The following RGL1 variants were observed in gnomAD, a reference collection of about 807,000 sequenced individuals.
The protein encoded by RGL1 is ral guanine nucleotide dissociation stimulator-like 1.
Under a neutral mutation model 95.2 loss-of-function variants are expected in RGL1, and 24 were observed. The observed-to-expected ratio is 0.25, with a 90% CI of 0.18 to 0.35. The LOEUF is 0.35. RGL1 is among the 10% of genes least tolerant of loss of function. RGL1 has a pLI of 1.00. For synonymous variants in RGL1, 329 were observed against 344.9 expected (o/e 0.95, Z 0.51); for missense variants, 715 against 936.3 (o/e 0.76, Z 3.08).
intron 1 of RGL1, among the ~76,000 whole-genome samples, chr1:183,692,957 A>AT (rs566962381): frequency 1.3e-3 from 185 of 145,328 alleles, no homozygotes; most frequent in East Asian, 4.0e-3. Flanking sequence ...GATAAAAAAA[A>AT]TTTTTTTTTT....
intron 2 of RGL1, among the ~76,000 whole-genome samples, chr1:183,757,063 A>G (rs1402922103): frequency 1.4e-5 from 2 of 146,638 alleles, no homozygotes; most frequent in African/African-American, 5.0e-5. Flanking sequence ...GCACGGAGTC[A>G]TCCACTATGC....
At chr1:183,744,036 T>G (rs921275331) in intron 2 of RGL1, among the ~76,000 whole-genome samples, 10 of 152,330 alleles carry the variant, frequency 6.6e-5, no homozygotes, top group African/African-American at 2.4e-4. Flanking sequence ...TATTCTCATA[T>G]TCTGCTCAGG....
intron 2 of RGL1, among the ~76,000 whole-genome samples, chr1:183,745,350 T>TCA (rs10678317): frequency 0.45 from 68,967 of 151,606 alleles, 16,743 homozygotes; most frequent in East Asian, 0.8. Flanking sequence ...GTAAAATTTA[T>TCA]GTCTTCTTTT....
intron 9 of RGL1, among the ~76,000 whole-genome samples, chr1:183,892,365 C>A (rs1667475382): frequency 2.6e-5 from 4 of 152,176 alleles, no homozygotes; most frequent in Admixed American, 2.6e-4. Context: ...TCTCTTTCTA[C>A]CTCCCTTAGC....
rs535834306 is a variant in RGL1, at chr1:183,772,808, G to C, written c.132+30519G>C. On this transcript the variant is annotated intron_variant, in intron 2 of 18. Transcript: ENST00000304685. ...GTGGATCATGAGGTCAGGAGATCGA[G>C]ACCATCCTGGCTAACAAGGTGAAAC... Among the ~76,000 whole-genome samples the C allele has an allele frequency of 4.6e-4, 70 of 151,746 alleles. 1 individual carries two copies. The South Asian group carries it at 0.014, about 31-fold the overall frequency.
At chr1:183,735,118 GA>G (rs1320819780) in intron 1 of RGL1, among the ~76,000 whole-genome samples, 1 of 152,088 alleles carries the variant, frequency 6.6e-6, no homozygotes, top group African/African-American at 2.4e-5. Flanking sequence ...CAGTAAGGGG[GA>G]GAAAGTATGT....
intron 1 of RGL1, among the ~76,000 whole-genome samples, chr1:183,664,897 A>G (rs1335262373): frequency 6.6e-6 from 1 of 152,002 alleles, no homozygotes; most frequent in East Asian, 1.9e-4. Flanking sequence ...TTATTGTGTT[A>G]GCTAGGATTT....
chr1:183,658,537 G>C (rs577375655), intron 1 of RGL1, among the ~76,000 whole-genome samples: 1,860 of 152,206 alleles, frequency 0.012, 44 homozygotes, highest in African/African-American at 0.043. Context: ...GGCTTGCTTA[G>C]GTAAACAAAG....
At chr1:183,828,661 C>G (rs572986287) in intron 2 of RGL1, among the ~76,000 whole-genome samples, 1 of 152,266 alleles carries the variant, frequency 6.6e-6, no homozygotes, top group South Asian at 2.1e-4. Context: ...TTGTGAGTAT[C>G]AAATGAGATT....
At chr1:183,753,229 C>T (rs1658131784) in intron 2 of RGL1, among the ~76,000 whole-genome samples, 1 of 152,166 alleles carries the variant, frequency 6.6e-6, no homozygotes, top group African/African-American at 2.4e-5. Context: ...GTAATTCTCT[C>T]TTCAGCTTTA....
In RGL1 at chr1:183,912,023, C is replaced by T. The variant is rs1281826129; in HGVS notation, c.1563-59C>T. The T allele has an allele frequency of 2.0e-6, 3 of 1,478,716 alleles. No homozygotes were observed. The East Asian group carries it at 6.9e-5, about 34-fold the overall frequency. The allele number at this position is 1,478,716 out of a possible 1,614,324, so 91.6% of individuals were successfully genotyped here. ...GGCTTAATCAACACAAAATATTTGCCTAATCATGGATTCCAGATTTGTAAC... is the reference window on the plus strand; with the variant it reads ...GGCTTAATCAACACAAAATATTTGCTTAATCATGGATTCCAGATTTGTAAC... On this transcript the variant is annotated intron_variant, in intron 14 of 17. Transcript: ENST00000360851.
At chr1:183,888,745 G>T (rs1315732164) in intron 8 of RGL1, among the ~76,000 whole-genome samples, 168 bp downstream of exon 8, 1 of 152,154 alleles carries the variant, frequency 6.6e-6, no homozygotes, top group African/African-American at 2.4e-5. Flanking sequence ...GACTTTTGAG[G>T]CAGGGCTCCT....
intron 17 of RGL1, among the ~76,000 whole-genome samples, chr1:183,922,655 G>T (rs1174394837): frequency 6.6e-6 from 1 of 151,942 alleles, no homozygotes; most frequent in Non-Finnish European, 1.5e-5. Context: ...AGAGGGTAGG[G>T]GAGTCTGTTG....
Position 183,823,122 on chromosome 1 carries a change from A to G in RGL1, c.138+16637A>G, listed in dbSNP as rs1208500772. ...ACATAATCTTCTTAGAATGAACTGT[A>G]TGAAATCACCAGTTTTATAAGTTAA... On this transcript the variant is annotated intron_variant, in intron 2 of 17. Coordinates refer to ENST00000360851, the MANE Select transcript of RGL1 (RefSeq NM_001297671.3). 3.9e-5 allele frequency among the ~76,000 whole-genome samples: 6 copies of G among 152,306 alleles called. No homozygotes were observed. The East Asian group carries it at 1.2e-3, about 29-fold the overall frequency.
intron 1 of RGL1, among the ~76,000 whole-genome samples, chr1:183,655,761 G>T (rs1217805799): frequency 6.6e-6 from 1 of 152,168 alleles, no homozygotes; most frequent in African/African-American, 2.4e-5. Flanking sequence ...CCTCCATGTT[G>T]ATTTTCCTCA....
intron 1 of RGL1, among the ~76,000 whole-genome samples, chr1:183,691,225 C>T (rs1026584413): frequency 1.6e-4 from 25 of 152,158 alleles, no homozygotes; most frequent in African/African-American, 4.1e-4. Flanking sequence ...GCCATAGATG[C>T]GGATTCTTTT....
At chr1:183,776,547 G>A (rs919614461) in intron 2 of RGL1, among the ~76,000 whole-genome samples, 12 of 151,414 alleles carry the variant, frequency 7.9e-5, no homozygotes, top group African/African-American at 2.2e-4. Flanking sequence ...TAGGAGATTC[G>A]GAAAAGCTAA....
chr1:183,695,084 T>A (rs1425061838), intron 1 of RGL1, among the ~76,000 whole-genome samples: 2 of 152,202 alleles, frequency 1.3e-5, no homozygotes, highest in African/African-American at 4.8e-5. Context: ...GCTGAAGCCA[T>A]GTAAGTGAAG....
chr1:183,806,257 G>A, intron 1 of RGL1, 118 bp from the exon 2 acceptor site: 2 of 673,090 alleles, frequency 3.0e-6, no homozygotes, highest in South Asian at 3.7e-5. Flanking sequence ...TATTTATTTT[G>A]AACAGCCCAT....
Sources: allele counts gnomAD v4.1 joint callset (sites outside exome capture counted in the v4.1 genomes callset), GRCh38; gene constraint gnomAD v4.1.1; transcripts MANE v1.5; gene names NCBI Gene and HGNC (gene_info 2026-07-23, HGNC 2026-07-21).